Variants in PTN observed in about 807,000 individuals in gnomAD.
PTN encodes the protein heparin affin regulatory protein.
Under a neutral mutation model 24.1 loss-of-function variants are expected in PTN, and 18 were observed. The ratio of observed to expected loss-of-function variants is 0.75; its 90% CI spans 0.52 to 1.11. PTN has a LOEUF of 1.11. Among genes scored for constraint, PTN ranks in the 50% least tolerant of loss-of-function variants. PTN has a pLI of 0.00. For synonymous variants in PTN, 78 were observed against 68.6 expected (o/e 1.14, Z -0.67); for missense variants, 163 against 198.8 (o/e 0.82, Z 1.08).
intron 3 of PTN, 23 bp downstream of exon 3, chr7:137,253,441 T>A (rs1347464794): frequency 1.3e-6 from 2 of 1,570,380 alleles, no homozygotes; most frequent in Non-Finnish European, 1.7e-6. Flanking sequence ...AGTAGGAGAT[T>A]AACTCAGTAG....
intron 1 of PTN, among the ~76,000 whole-genome samples, chr7:137,278,968 A>ATAATAATAG: frequency 6.8e-6 from 1 of 146,778 alleles, no homozygotes; most frequent in Non-Finnish European, 1.5e-5. Context: ...AATAATAATA[A>ATAATAATAG]TAATAATAAT....
At chr7:137,257,784 G>T (rs1168403765) in intron 1 of PTN, among the ~76,000 whole-genome samples, 1 of 152,156 alleles carries the variant, frequency 6.6e-6, no homozygotes, top group Non-Finnish European at 1.5e-5. Flanking sequence ...AGATTACTGT[G>T]AGAATTTGGA....
intron 1 of PTN, among the ~76,000 whole-genome samples, chr7:137,343,103 G>T (rs1810561520): frequency 6.6e-6 from 1 of 152,118 alleles, no homozygotes; most frequent in Non-Finnish European, 1.5e-5. Context: ...AAAGCTCCAG[G>T]TTTTACAAAA....
chr7:137,269,768 G>C (rs1809241788), intron 1 of PTN, among the ~76,000 whole-genome samples: 1 of 151,158 alleles, frequency 6.6e-6, no homozygotes. Context: ...AAGTAGTTGG[G>C]ATTACAAATG....
At chr7:137,233,939 T>TAC (rs1563193701) in intron 4 of PTN, among the ~76,000 whole-genome samples, 1 of 149,704 alleles carries the variant, frequency 6.7e-6, no homozygotes, top group South Asian at 2.1e-4. Context: ...TATACATATA[T>TAC]ATGTATATGT....
chr7:137,248,474 T>A (rs1009080972), intron 4 of PTN, among the ~76,000 whole-genome samples: 6 of 152,104 alleles, frequency 3.9e-5, no homozygotes, highest in African/African-American at 1.4e-4. Flanking sequence ...TCATTTGAGG[T>A]CTGGAGTTCA....
intron 1 of PTN, among the ~76,000 whole-genome samples, chr7:137,312,681 A>C (rs1484772214): frequency 2.0e-5 from 3 of 152,216 alleles, no homozygotes; most frequent in Non-Finnish European, 4.4e-5. Flanking sequence ...AAAAATAGAC[A>C]AAAAAGTAAG....
At chr7:137,320,606 G>A (rs950235338) in intron 1 of PTN, among the ~76,000 whole-genome samples, 2 of 152,128 alleles carry the variant, frequency 1.3e-5, no homozygotes, top group Non-Finnish European at 2.9e-5. Context: ...GTTTAGATAG[G>A]AGAAAGAGGA....
chr7:137,339,027 G>GA (rs201230105), intron 1 of PTN, among the ~76,000 whole-genome samples: 29 of 141,538 alleles, frequency 2.0e-4, no homozygotes, highest in South Asian at 2.2e-4. Flanking sequence ...TGGAAGACAA[G>GA]AAAAAAAAAA....
chr7:137,305,625 T>C (rs1171713284), intron 1 of PTN, among the ~76,000 whole-genome samples: 1 of 152,056 alleles, frequency 6.6e-6, no homozygotes. Flanking sequence ...TCATCTCTAC[T>C]GACACTCTCT....
chr7:137,323,128 A>C (rs1230448421), intron 1 of PTN, among the ~76,000 whole-genome samples: 1 of 152,170 alleles, frequency 6.6e-6, no homozygotes, highest in Non-Finnish European at 1.5e-5. Context: ...TGGATTACCA[A>C]TTTTTGAAAA....
At chr7:137,262,598 T>C (rs1404305491) in intron 1 of PTN, among the ~76,000 whole-genome samples, 1 of 151,440 alleles carries the variant, frequency 6.6e-6, no homozygotes, top group Non-Finnish European at 1.5e-5. Flanking sequence ...ATCAGCAGCC[T>C]AGCGTCTTAA....
chr7:137,288,098 G>C (rs904361315), intron 1 of PTN, among the ~76,000 whole-genome samples: 3 of 152,166 alleles, frequency 2.0e-5, no homozygotes, highest in African/African-American at 7.2e-5. Context: ...AGTGGTATAA[G>C]TTGAATCTTT....
chr7:137,309,906 A>G (rs1284476679), intron 1 of PTN, among the ~76,000 whole-genome samples: 3 of 152,156 alleles, frequency 2.0e-5, no homozygotes, highest in African/African-American at 7.2e-5. Context: ...ACCTCCTCCC[A>G]TGAATCAGGA....
rs1259629929 is a variant in PTN, at chr7:137,281,724, T to A, written c.-1-26750A>T. Among the ~76,000 whole-genome samples, 5 of 152,166 alleles carry A rather than the reference T, an allele frequency of 3.3e-5. No homozygotes were observed. The East Asian group carries it at 9.6e-4, about 29-fold the overall frequency. ...TAGCCCAACTTCTTCAAATAAGTGC[T>A]TAAGACACTTTTAAAGATATATATG... is the stretch of plus-strand genomic sequence containing the variant. On this transcript the variant is annotated intron_variant, in intron 1 of 4. Transcript: ENST00000348225.
chr7:137,256,226 T>A (rs1808922385), intron 1 of PTN, among the ~76,000 whole-genome samples: 1 of 152,188 alleles, frequency 6.6e-6, no homozygotes, highest in Admixed American at 6.5e-5. Flanking sequence ...CCAAGATACA[T>A]GTGCAGAATG....
chr7:137,294,409 G>A (rs1809687263), intron 1 of PTN, among the ~76,000 whole-genome samples: 1 of 152,150 alleles, frequency 6.6e-6, no homozygotes, highest in African/African-American at 2.4e-5. Flanking sequence ...GGCTTGGGCA[G>A]CCTTGTGCAG....
intron 1 of PTN, among the ~76,000 whole-genome samples, chr7:137,299,027 C>A (rs1373596379): frequency 6.6e-6 from 1 of 151,890 alleles, no homozygotes; most frequent in African/African-American, 2.4e-5. Flanking sequence ...ATATTCGTTA[C>A]CCCTGGGGTT....
chr7:137,251,198 A>C, intron 4 of PTN, 32 bp downstream of exon 4: 2 of 1,607,934 alleles, frequency 1.2e-6, no homozygotes, highest in Non-Finnish European at 1.7e-6. Flanking sequence ...CCATCAATCC[A>C]TTAAAATTGT....
Sources: gnomAD v4.1 joint callset for allele counts (sites outside exome capture counted in the v4.1 genomes callset) on GRCh38, gnomAD v4.1.1 for gene constraint, MANE v1.5 for transcripts, NCBI Gene and HGNC (gene_info 2026-07-23, HGNC 2026-07-21) for gene names.